Variants in PATJ observed in about 807,000 individuals in gnomAD.
The protein encoded by PATJ is PATJ crumbs cell polarity complex component.
In PATJ, 190 loss-of-function variants were observed where a neutral mutation model predicts 224.9. The ratio of observed to expected loss-of-function variants is 0.84; its 90% CI spans 0.75 to 0.95. PATJ has a LOEUF of 0.95. PATJ is among the 40% of genes least tolerant of loss of function. The probability of loss-of-function intolerance (pLI) is 0.00; values close to 1 mark genes in which losing one functional copy is unlikely to be tolerated. For synonymous variants in PATJ, 769 were observed against 820.3 expected (o/e 0.94, Z 1.07); for missense variants, 2,121 against 2,270.3 (o/e 0.93, Z 1.34).
intron 16 of PATJ, 93 bp downstream of exon 16, chr1:61,827,676 A>ATGGT: frequency 8.5e-7 from 1 of 1,182,512 alleles, no homozygotes; most frequent in Non-Finnish European, 1.2e-6. Flanking sequence ...AGGGGAAACC[A>ATGGT]TTCCACTCTG....
intron 33 of PATJ, among the ~76,000 whole-genome samples, chr1:62,085,331 G>T (rs1659827845): frequency 6.6e-6 from 1 of 151,572 alleles, no homozygotes; most frequent in Middle Eastern, 3.2e-3. Flanking sequence ...CAGCCTGGGT[G>T]ACAGAGAGCA....
intron 21 of PATJ, among the ~76,000 whole-genome samples, chr1:61,876,980 C>A (rs924958103): frequency 2.6e-5 from 4 of 152,170 alleles, no homozygotes; most frequent in Admixed American, 6.5e-5. Flanking sequence ...CTTAGTGTTA[C>A]AAGATTTTGG....
chr1:61,789,167 G>T (rs898430783), intron 8 of PATJ, among the ~76,000 whole-genome samples: 1 of 151,952 alleles, frequency 6.6e-6, no homozygotes, highest in Non-Finnish European at 1.5e-5. Flanking sequence ...AAATTAGCCA[G>T]ATGTGGCACA....
intron 29 of PATJ, among the ~76,000 whole-genome samples, chr1:62,030,054 T>A (rs1431892817): frequency 6.6e-6 from 1 of 152,124 alleles, no homozygotes; most frequent in South Asian, 2.1e-4. Context: ...AAACAAGTAG[T>A]GATACTGTTG....
At chr1:62,088,142 C>T (rs987234181) in intron 33 of PATJ, among the ~76,000 whole-genome samples, 1 of 152,132 alleles carries the variant, frequency 6.6e-6, no homozygotes, top group Non-Finnish European at 1.5e-5. Flanking sequence ...CCGCCTGCCT[C>T]AGCCTCCCAA....
At chr1:62,011,464 C>T (rs1646444860) in intron 28 of PATJ, among the ~76,000 whole-genome samples, 1 of 152,116 alleles carries the variant, frequency 6.6e-6, no homozygotes, top group Non-Finnish European at 1.5e-5. Flanking sequence ...GTAATCAGAA[C>T]ACACAATTAT....
In PATJ at chr1:61,766,363, A is replaced by G; in HGVS notation, c.274A>G (p.Asn92Asp). The G allele has an allele frequency of 1.2e-6, 2 of 1,610,232 alleles. No individual in the cohort carries two copies. The highest frequency in any genetic ancestry group is 1.1e-5 in the South Asian group (1 of 90,534). ...LLVFTDGSITNGNVHRPSNNS... is the reference protein window; with the variant it reads ...LLVFTDGSITDGNVHRPSNNS... ...AGTGTTCACAGATGGTTCCATCACT[A>G]ATGGAAATGTCCACAGGCCCTCTAA... The change falls in exon 4 of 44, where the codon AAT becomes GAT. Residue 92 changes from asparagine (N) to aspartate (D), a missense_variant. Asn to Asp is a conservative substitution (Grantham distance 23). Transcript: ENST00000642238.
intron 27 of PATJ, among the ~76,000 whole-genome samples, chr1:61,934,920 T>G (rs2149318348): frequency 6.6e-6 from 1 of 152,336 alleles, no homozygotes; most frequent in East Asian, 1.9e-4. Context: ...CGGAGCATTC[T>G]GTGCAGAACA....
chr1:61,933,454 T>C (rs910989320), intron 27 of PATJ, among the ~76,000 whole-genome samples: 5 of 150,028 alleles, frequency 3.3e-5, no homozygotes, highest in African/African-American at 1.2e-4. Context: ...GGCAGAAGAA[T>C]CGCTTGAACT....
At chr1:61,855,602 A>G (rs1259645742) in intron 17 of PATJ, among the ~76,000 whole-genome samples, 1 of 151,956 alleles carries the variant, frequency 6.6e-6, no homozygotes, top group African/African-American at 2.4e-5. Context: ...TTTTGCGGAG[A>G]TGGGATTTCG....
intron 34 of PATJ, among the ~76,000 whole-genome samples, chr1:62,112,203 T>C (rs1663909584): frequency 6.6e-6 from 1 of 152,012 alleles, no homozygotes; most frequent in Non-Finnish European, 1.5e-5. Flanking sequence ...TTTAGAATGT[T>C]AGAATTAAAA....
At chr1:61,901,519 A>G (rs1291504073) in intron 24 of PATJ, 60 bp downstream of exon 24, 4 of 1,250,172 alleles carry the variant, frequency 3.2e-6, no homozygotes, top group Admixed American at 2.5e-5. Flanking sequence ...TGAAATAATC[A>G]TTTAGCTAGA....
At chr1:62,148,149 A>G in intron 41 of PATJ, 135 bp from the exon 42 acceptor site, 1 of 426,486 alleles carries the variant, frequency 2.3e-6, no homozygotes, top group Non-Finnish European at 4.5e-6. Context: ...AAAGTTTGAG[A>G]GAATAGTCCT....
At chr1:62,097,073 A>G (rs1661480132) in intron 33 of PATJ, among the ~76,000 whole-genome samples, 1 of 152,186 alleles carries the variant, frequency 6.6e-6, no homozygotes, top group Non-Finnish European at 1.5e-5. Context: ...GGGATTTATT[A>G]GTTCCATTTT....
intron 31 of PATJ, among the ~76,000 whole-genome samples, chr1:62,066,603 A>T (rs975384735): frequency 1.3e-5 from 2 of 152,142 alleles, no homozygotes; most frequent in African/African-American, 4.8e-5. Flanking sequence ...GATGAGTAGG[A>T]ATTAGGCTGG....
At chr1:61,757,262 G>T (rs956723011) in intron 1 of PATJ, among the ~76,000 whole-genome samples, 1 of 151,618 alleles carries the variant, frequency 6.6e-6, no homozygotes. Context: ...TGTAGAGACT[G>T]GGTCTCACTA....
intron 21 of PATJ, among the ~76,000 whole-genome samples, chr1:61,881,091 C>T (rs986313449): frequency 1.3e-5 from 2 of 152,160 alleles, no homozygotes; most frequent in Non-Finnish European, 2.9e-5. Context: ...GAGACCTTGT[C>T]TCAAAAATAA....
chr1:61,833,922 A>G (rs1298474051), intron 17 of PATJ, 137 bp downstream of exon 17: 3 of 665,682 alleles, frequency 4.5e-6, no homozygotes, highest in Non-Finnish European at 7.4e-6. Context: ...ACTACTTTCA[A>G]TTGTTACCTT....
chr1:62,119,355 T>C (rs775792871), intron 37 of PATJ, among the ~76,000 whole-genome samples: 3 of 152,184 alleles, frequency 2.0e-5, no homozygotes, highest in Non-Finnish European at 4.4e-5. Flanking sequence ...TCCAGACCCA[T>C]TTAAAAAATC....
Sources: gnomAD v4.1 joint callset for allele counts (sites outside exome capture counted in the v4.1 genomes callset) on GRCh38, gnomAD v4.1.1 for gene constraint, MANE v1.5 for transcripts, NCBI Gene and HGNC (gene_info 2026-07-23, HGNC 2026-07-21) for gene names.